Variants in LPP observed in about 807,000 individuals in gnomAD.
LPP encodes LIM domain containing preferred translocation partner in lipoma, also known as lipoma-preferred partner.
A neutral mutation model predicts 60.4 loss-of-function variants in LPP; 38 were observed. The observed-to-expected ratio is 0.63, with a 90% CI of 0.49 to 0.83. The LOEUF is 0.83. Among genes scored for constraint, LPP ranks in the 40% least tolerant of loss-of-function variants. LPP has a pLI of 0.00. For missense variants in LPP, 902 were observed against 783.6 expected, an observed-to-expected ratio of 1.15 and a Z score of -1.80; for synonymous variants, 328 against 290.8, an observed-to-expected ratio of 1.13 and a Z score of -1.30.
chr3:188,752,469 T>A (rs1728411512), intron 8 of LPP, among the ~76,000 whole-genome samples: 2 of 152,354 alleles, frequency 1.3e-5, no homozygotes, highest in African/African-American at 4.8e-5. Context: ...GTTCAAAAGA[T>A]AACCATGTAT....
At chr3:188,500,759 G>A (rs4686966) in intron 5 of LPP, among the ~76,000 whole-genome samples, 28,161 of 151,956 alleles carry the variant, frequency 0.19, 3,124 homozygotes, top group East Asian at 0.44. Context: ...TTTTTTATTT[G>A]TGGTTTAGTC....
Position 188,352,033 on chromosome 3 carries a change from C to T in LPP, c.-10+10314C>T, listed in dbSNP as rs1231678663. On this transcript the variant is annotated intron_variant, in intron 3 of 11. Transcript: ENST00000617246. The surrounding 1 kb of genome is among the most constrained non-coding windows in gnomAD (Gnocchi z 4.4). ...CTTCCCTAGCTAGCCTCGACCTCAA[C>T]GTGTATTATTTCCTCCCCCCTTGTC... Among the ~76,000 whole-genome samples the T allele has an allele frequency of 3.3e-5, 5 of 152,176 alleles. No homozygotes were observed. Among genetic ancestry groups the T allele is most frequent in the East Asian group, 1.9e-4 (1 of 5,188 alleles).
chr3:188,371,535 ACAT>A (rs1278577280), intron 3 of LPP, among the ~76,000 whole-genome samples: 1 of 147,412 alleles, frequency 6.8e-6, no homozygotes, highest in Non-Finnish European at 1.5e-5. Context: ...GGGAAGAAAA[ACAT>A]CATATTAATA....
chr3:188,437,411 G>A (rs1050265818), intron 4 of LPP, among the ~76,000 whole-genome samples: 6 of 152,066 alleles, frequency 3.9e-5, no homozygotes, highest in Non-Finnish European at 2.9e-5. Flanking sequence ...GGATATTTTT[G>A]TTCTTTGTGG....
At position 188,613,939 on chromosome 3, in the gene LPP, A is replaced by ATTTATTTT. The variant is rs1308929918; in HGVS notation, c.1113+4098_1113+4099insATTTTTTT. Among the ~76,000 whole-genome samples, 477 of 150,564 alleles carry ATTTATTTT rather than the reference A, an allele frequency of 3.2e-3. 3 individuals carry two copies. Among genetic ancestry groups the ATTTATTTT allele is most frequent in the Non-Finnish European group, 4.3e-3 (288 of 67,682 alleles). ...TATTTATTTATTTATTTATTTATTT[A>ATTTATTTT]TTTTTTGAGAGGGAGTCCCATTCTG... On this transcript the variant is annotated intron_variant, in intron 7 of 11. Coordinates refer to ENST00000617246, the MANE Select transcript of LPP (RefSeq NM_001375462.1).
intron 4 of LPP, among the ~76,000 whole-genome samples, chr3:188,460,180 A>G (rs1381016337): frequency 6.6e-6 from 1 of 152,168 alleles, no homozygotes; most frequent in South Asian, 2.1e-4. Context: ...GGACATGTCA[A>G]CTTTCCTGTT....
chr3:188,853,553 CA>C (rs569201687), intron 9 of LPP, among the ~76,000 whole-genome samples: 1 of 152,156 alleles, frequency 6.6e-6, no homozygotes, highest in Admixed American at 6.5e-5. Flanking sequence ...TTGACAGGAA[CA>C]AAGACTGAGT....
intron 9 of LPP, among the ~76,000 whole-genome samples, chr3:188,848,737 G>T (rs1251594801): frequency 6.6e-6 from 1 of 152,184 alleles, no homozygotes. Context: ...GGAGGCCGAG[G>T]CGGATGGATC....
At chr3:188,302,811 C>T (rs1202518479) in intron 2 of LPP, among the ~76,000 whole-genome samples, 1 of 152,226 alleles carries the variant, frequency 6.6e-6, no homozygotes, top group African/African-American at 2.4e-5. Context: ...TTTGAAATCA[C>T]AGCACATTTA....
rs536183496 is a variant in LPP at position 188,220,632 on chromosome 3, C to T, written c.-189-4773C>T. Among the ~76,000 whole-genome samples the T allele has an allele frequency of 7.0e-4, 106 of 152,332 alleles. 1 individual carries two copies. Among genetic ancestry groups the T allele is most frequent in the African/African-American group, 2.5e-3 (103 of 41,586 alleles). The stretch of plus-strand genomic sequence containing the variant: ...AGGCCTCTGGCTCCTGCTTAAGAGA[C>T]AGCAGAAAGGCTGGATGGAGCCTGT... On this transcript the variant is annotated intron_variant, in intron 1 of 11. Coordinates refer to ENST00000617246, the MANE Select transcript of LPP (RefSeq NM_001375462.1).
At chr3:188,378,467 G>A (rs111649305) in intron 3 of LPP, among the ~76,000 whole-genome samples, 1,700 of 152,296 alleles carry the variant, frequency 0.011, 28 homozygotes, top group African/African-American at 0.037. Context: ...TCGGACCGCT[G>A]TGCTAGCAAT....
intron 4 of LPP, among the ~76,000 whole-genome samples, chr3:188,480,714 A>G (rs1189408394): frequency 3.3e-5 from 5 of 152,148 alleles, no homozygotes; most frequent in Non-Finnish European, 5.9e-5. Context: ...TGTAGGTCAG[A>G]GAATCTGGGA....
At chr3:188,538,452 T>C (rs1490297956) in intron 6 of LPP, among the ~76,000 whole-genome samples, 1 of 152,182 alleles carries the variant, frequency 6.6e-6, no homozygotes, top group Non-Finnish European at 1.5e-5. Context: ...GCTGGACATA[T>C]TTATTGATCA....
chr3:188,852,934 G>A (rs1409345811), intron 9 of LPP, among the ~76,000 whole-genome samples: 3 of 152,096 alleles, frequency 2.0e-5, no homozygotes, highest in Non-Finnish European at 4.4e-5. Context: ...CCTGAGGTCA[G>A]CAGTTCGATA....
chr3:188,622,160 A>G (rs148319738), intron 7 of LPP, among the ~76,000 whole-genome samples: 104 of 152,256 alleles, frequency 6.8e-4, no homozygotes, highest in African/African-American at 2.4e-3. Flanking sequence ...AGTAAAAGGC[A>G]GATAATGGTA....
At chr3:188,203,458 A>AATATATATATTTTTAAAT (rs1407987892) in intron 1 of LPP, among the ~76,000 whole-genome samples, 8 of 90,312 alleles carry the variant, frequency 8.9e-5, no homozygotes, top group Admixed American at 5.9e-4. Context: ...AATATATATA[A>AATATATATATTTTTAAAT]ATATATATAT....
rs1463318065 is a variant in LPP, at chr3:188,825,269, C to CTCTGTGTGTGTG, written c.1411-40930_1411-40929insCTGTGTGTGTGT. ...TCTTTCTCTCTCTCTCTCTCTCTCT[C>CTCTGTGTGTGTG]TGTGTGTGTGTGTGTGTGTGTGTGT... On this transcript the variant is annotated intron_variant, in intron 9 of 11. Coordinates refer to ENST00000617246, the MANE Select transcript of LPP (RefSeq NM_001375462.1). Among the ~76,000 whole-genome samples, 611 of 101,736 alleles carry CTCTGTGTGTGTG rather than the reference C, an allele frequency of 6.0e-3. 13 individuals are homozygous for CTCTGTGTGTGTG. Among genetic ancestry groups the CTCTGTGTGTGTG allele is most frequent in the East Asian group, 0.022 (56 of 2,504 alleles). The allele number at this position is 101,736 out of a possible 152,430, so 66.7% of individuals were successfully genotyped here. A position where few individuals can be genotyped will look rare whatever the true frequency, so the allele number is the denominator to read the frequency against.
intron 8 of LPP, among the ~76,000 whole-genome samples, chr3:188,722,687 A>G (rs1314364452): frequency 6.6e-6 from 1 of 152,242 alleles, no homozygotes; most frequent in Non-Finnish European, 1.5e-5. Context: ...GCTCTTCTAT[A>G]GAACCTCAGA....
intron 7 of LPP, among the ~76,000 whole-genome samples, chr3:188,611,014 T>C (rs943914066): frequency 6.6e-6 from 1 of 152,226 alleles, no homozygotes; most frequent in African/African-American, 2.4e-5. Flanking sequence ...TCAAGACAGA[T>C]CTATTCACAT....
Sources: gnomAD v4.1 joint callset for allele counts (sites outside exome capture counted in the v4.1 genomes callset) on GRCh38, gnomAD v4.1.1 for gene constraint, Gnocchi (gnomAD v3.1) non-coding constraint, MANE v1.5 for transcripts, NCBI Gene and HGNC (gene_info 2026-07-23, HGNC 2026-07-21) for gene names.